The following MID1 variants were observed in gnomAD, a reference collection of about 807,000 sequenced individuals.
MID1 encodes midline 1.
A neutral mutation model predicts 40.4 loss-of-function variants in MID1; 7 were observed. That is an observed-to-expected ratio of 0.17 (90% CI 0.10 to 0.33). MID1 has a LOEUF of 0.33. Ranked by LOEUF, MID1 falls within the 10% of genes least tolerant of loss-of-function variation. The pLI is 1.00. For missense variants in MID1, 367 were observed against 558.5 expected (o/e 0.66, Z 3.46); for synonymous variants, 229 against 221.2 (o/e 1.04, Z -0.31).
At chrX:10,755,866 G>A (rs1342786584) in intron 1 of MID1, among the ~76,000 whole-genome samples, 1 of 112,103 alleles carries the variant, frequency 8.9e-6, no homozygotes, top group Non-Finnish European at 1.9e-5. Flanking sequence ...ACAAAATTGA[G>A]GTGGGGAAAC....
At chrX:10,719,123 C>T (rs1255096278) in intron 1 of MID1, among the ~76,000 whole-genome samples, 6 of 109,451 alleles carry the variant, frequency 5.5e-5, no homozygotes, top group Admixed American at 2.0e-4. Context: ...AGCATTCCCT[C>T]TGAAAACTGG....
intron 1 of MID1, among the ~76,000 whole-genome samples, chrX:10,644,485 TTGAG>T (rs1296938000): frequency 8.1e-5 from 9 of 110,482 alleles, no homozygotes; most frequent in Admixed American, 2.9e-4. Context: ...ATTCATATGT[TTGAG>T]TATCAGAATA....
rs375668839 is a variant in MID1, at chrX:10,523,193, CAAAAAAAA to C, written c.661-14_661-7del. On this transcript the variant is annotated splice_region_variant and splice_polypyrimidine_tract_variant and intron_variant, in intron 2 of 9. Coordinates refer to ENST00000317552, the MANE Select transcript of MID1 (RefSeq NM_000381.4). The stretch of plus-strand genomic sequence containing the variant: ...AGGTTACTCTCTAAGTTTTGCTGTT[CAAAAAAAA>C]AAAAAAAAGAGGAAAAATATTATTC... 1.9e-5 allele frequency: 15 copies of C among 786,431 alleles called. No individual in the cohort carries two copies. The highest frequency in any genetic ancestry group is 9.2e-5 in the African/African-American group (3 of 32,551). The allele number at this position is 786,431 out of a possible 1,213,427, so 64.8% of individuals were successfully genotyped here. A position where few individuals can be genotyped will look rare whatever the true frequency, so the allele number is the denominator to read the frequency against.
chrX:10,771,101 T>G (rs1176891615), intron 1 of MID1, among the ~76,000 whole-genome samples: 1 of 97,632 alleles, frequency 1.0e-5, no homozygotes, highest in Non-Finnish European at 2.0e-5. Context: ...AGACTCTGTC[T>G]CAAGAAAAAA....
intron 2 of MID1, among the ~76,000 whole-genome samples, chrX:10,540,301 G>C (rs767038264): frequency 5.4e-5 from 6 of 111,963 alleles, no homozygotes; most frequent in Non-Finnish European, 1.1e-4. Context: ...CAAGATCTGG[G>C]AAATTTCCAT....
chrX:10,781,078 T>C (rs1360996535), intron 1 of MID1, among the ~76,000 whole-genome samples: 2 of 111,704 alleles, frequency 1.8e-5, no homozygotes, highest in African/African-American at 6.5e-5. Flanking sequence ...AAGCTGAGAA[T>C]TAAGAATTGA....
At chrX:10,748,360 G>C (rs956466653) in intron 1 of MID1, among the ~76,000 whole-genome samples, 6 of 112,029 alleles carry the variant, frequency 5.4e-5, no homozygotes, top group South Asian at 3.7e-4. Context: ...TGTGGAGTCT[G>C]AAATGAAACA....
intron 1 of MID1, among the ~76,000 whole-genome samples, chrX:10,647,431 A>G (rs1936273442): frequency 8.9e-6 from 1 of 112,174 alleles, no homozygotes; most frequent in South Asian, 3.7e-4. Context: ...GAGAAGGGTC[A>G]ACATCACTGC....
chrX:10,816,743 AAGTAAT>A (rs2044138176), intron 1 of MID1, among the ~76,000 whole-genome samples: 1 of 112,378 alleles, frequency 8.9e-6, no homozygotes, highest in South Asian at 3.7e-4. Context: ...ATGTGGGAAA[AAGTAAT>A]TTAGTATTGC....
chrX:10,478,838 C>T (rs1045765299), intron 5 of MID1, among the ~76,000 whole-genome samples: 7 of 111,915 alleles, frequency 6.3e-5, no homozygotes, highest in South Asian at 3.8e-4. Flanking sequence ...AGAATGCCTG[C>T]GGGATTAAAA....
At chrX:10,666,037 G>A (rs2042948015) in intron 1 of MID1, among the ~76,000 whole-genome samples, 1 of 108,020 alleles carries the variant, frequency 9.3e-6, no homozygotes, top group African/African-American at 3.4e-5. Context: ...CTCAAGCAGG[G>A]GATGGCTGGA....
chrX:10,543,782 G>T (rs765252566), intron 2 of MID1, among the ~76,000 whole-genome samples: 14 of 111,085 alleles, frequency 1.3e-4, no homozygotes, highest in South Asian at 1.2e-3. Context: ...AGCAAAGGCT[G>T]CAGTGAGCTG....
intron 1 of MID1, among the ~76,000 whole-genome samples, chrX:10,637,967 C>CT (rs1433646947): frequency 9.0e-6 from 1 of 111,620 alleles, no homozygotes; most frequent in East Asian, 2.8e-4. Flanking sequence ...TCAAGAGTTT[C>CT]TTTTTTAAAA....
At chrX:10,803,402 G>A (rs1358327246) in intron 1 of MID1, among the ~76,000 whole-genome samples, 6 of 103,031 alleles carry the variant, frequency 5.8e-5, no homozygotes, top group African/African-American at 2.2e-4. Context: ...GCCCAGGCTG[G>A]AGTGCAGAGG....
intron 1 of MID1, among the ~76,000 whole-genome samples, chrX:10,757,008 A>G (rs1444362485): frequency 8.9e-6 from 1 of 111,974 alleles, no homozygotes. Flanking sequence ...ACCAGGTCTC[A>G]GTCTCCATAG....
chrX:10,592,262 T>C (rs1935320292), intron 1 of MID1, among the ~76,000 whole-genome samples: 1 of 74,698 alleles, frequency 1.3e-5, no homozygotes, highest in African/African-American at 5.6e-5. Context: ...ATTTCCTGCT[T>C]AGGGACTGCG....
At chrX:10,597,877 G>T (rs1935442868) in intron 1 of MID1, among the ~76,000 whole-genome samples, 1 of 111,403 alleles carries the variant, frequency 9.0e-6, no homozygotes. Flanking sequence ...TTAATGTTTT[G>T]TGATAACCCC....
At chrX:10,595,089 C>T (rs1453083584) in intron 1 of MID1, among the ~76,000 whole-genome samples, 1 of 111,648 alleles carries the variant, frequency 9.0e-6, no homozygotes, top group Non-Finnish European at 1.9e-5. Flanking sequence ...ATCATTTTCC[C>T]CCTTCTGCAG....
chrX:10,533,484 A>C (rs1478895588), intron 2 of MID1, among the ~76,000 whole-genome samples: 3 of 109,290 alleles, frequency 2.7e-5, no homozygotes, highest in African/African-American at 1.0e-4. Flanking sequence ...AAAAAAAAAA[A>C]ACAGTCCATG....
Sources: allele counts gnomAD v4.1 joint callset (sites outside exome capture counted in the v4.1 genomes callset), GRCh38; gene constraint gnomAD v4.1.1; transcripts MANE v1.5; gene names NCBI Gene and HGNC (gene_info 2026-07-23, HGNC 2026-07-21).